The following R3HDM1 variants were observed in gnomAD, a reference collection of about 807,000 sequenced individuals.
R3HDM1 encodes the protein R3H domain-containing protein 1.
A neutral mutation model predicts 141.1 loss-of-function variants in R3HDM1; 46 were observed. The ratio of observed to expected loss-of-function variants is 0.33; its 90% CI spans 0.26 to 0.42. The LOEUF (loss-of-function observed/expected upper bound fraction) is 0.42, where lower values mean the gene tolerates loss of function less well. Ranked by LOEUF, R3HDM1 falls within the 10% of genes least tolerant of loss-of-function variation. The pLI is 1.00. For missense variants in R3HDM1, 1,184 were observed against 1,368.3 expected, an observed-to-expected ratio of 0.87 and a Z score of 2.12; for synonymous variants, 435 against 472.9, an observed-to-expected ratio of 0.92 and a Z score of 1.04.
At chr2:135,579,648 C>T (rs958803779) in intron 1 of R3HDM1, among the ~76,000 whole-genome samples, 5 of 150,632 alleles carry the variant, frequency 3.3e-5, no homozygotes, top group African/African-American at 5.0e-5. Flanking sequence ...GTAGAAGTCA[C>T]TAGTAATCTG....
intron 7 of R3HDM1, among the ~76,000 whole-genome samples, chr2:135,626,324 C>A (rs1271025533): frequency 6.6e-6 from 1 of 152,034 alleles, no homozygotes; most frequent in Non-Finnish European, 1.5e-5. Flanking sequence ...GGTGTGAGAA[C>A]AGAGGGAAAA....
At chr2:135,720,035 G>A (rs540121500) in intron 24 of R3HDM1, among the ~76,000 whole-genome samples, 4 of 152,064 alleles carry the variant, frequency 2.6e-5, no homozygotes, top group East Asian at 3.9e-4. Flanking sequence ...TAGGAGAGAC[G>A]GGGTTTCACC....
intron 1 of R3HDM1, among the ~76,000 whole-genome samples, chr2:135,595,190 C>T (rs1012995536): frequency 6.6e-6 from 1 of 152,182 alleles, no homozygotes; most frequent in African/African-American, 2.4e-5. Context: ...CTGAAATCAT[C>T]GTTCTGCCAT....
chr2:135,690,713 T>G (rs1209444480), intron 21 of R3HDM1, among the ~76,000 whole-genome samples: 1 of 104,668 alleles, frequency 9.6e-6, no homozygotes, highest in Non-Finnish European at 1.6e-5. Context: ...ATAAAAGAGG[T>G]TTTTTTTGTT....
intron 18 of R3HDM1, among the ~76,000 whole-genome samples, chr2:135,655,492 T>G (rs1171449940): frequency 6.6e-5 from 10 of 151,378 alleles, no homozygotes; most frequent in Non-Finnish European, 8.8e-5. Flanking sequence ...TTTTTTTGTT[T>G]TTGTTGTTGT....
At chr2:135,567,516 A>AT (rs1464047168) in intron 1 of R3HDM1, among the ~76,000 whole-genome samples, 2 of 152,168 alleles carry the variant, frequency 1.3e-5, no homozygotes, top group Admixed American at 6.5e-5. Flanking sequence ...AAAGCTGAGT[A>AT]TTTCACCTGT....
rs1302352338 is a variant in R3HDM1 at position 135,722,417 on chromosome 2, TG to T, written c.2965-51del. ...GTGTTAATTTGTTAAACATCCAAAG[TG>T]TGTTTTTCAGCATTATTAACGTTGT... On this transcript the variant is annotated intron_variant, in intron 25 of 26. Transcript: ENST00000683871. 3 of 1,573,298 alleles carry T rather than the reference TG, an allele frequency of 1.9e-6. No individual in the cohort carries two copies. The Admixed American group carries it at 5.3e-5, about 28-fold the overall frequency.
intron 19 of R3HDM1, among the ~76,000 whole-genome samples, chr2:135,662,395 T>C (rs1451087524): frequency 1.3e-5 from 2 of 152,214 alleles, no homozygotes; most frequent in African/African-American, 4.8e-5. Context: ...TGTTGCAGTC[T>C]TCAGTGATCA....
At chr2:135,598,965 T>G (rs1034230199) in intron 1 of R3HDM1, among the ~76,000 whole-genome samples, 2 of 152,210 alleles carry the variant, frequency 1.3e-5, no homozygotes, top group Non-Finnish European at 2.9e-5. Flanking sequence ...TTTTAAAACT[T>G]TGTTCTAAGT....
intron 7 of R3HDM1, among the ~76,000 whole-genome samples, chr2:135,629,557 A>C (rs1339116957): frequency 1.3e-5 from 2 of 152,350 alleles, no homozygotes; most frequent in East Asian, 3.9e-4. Context: ...TATGACAATA[A>C]TTGTGATAAA....
At chr2:135,651,415 C>T in intron 17 of R3HDM1, 1 of 979,236 alleles carries the variant, frequency 1.0e-6, no homozygotes, top group Non-Finnish European at 1.2e-6. Context: ...TTCACTTCTA[C>T]ATTCTAATGT....
At chr2:135,582,805 CT>C (rs140394178) in intron 1 of R3HDM1, among the ~76,000 whole-genome samples, 3,004 of 152,208 alleles carry the variant, frequency 0.02, 78 homozygotes, top group African/African-American at 0.066. Flanking sequence ...CCTTCTGCCC[CT>C]GTAACATTGT....
intron 11 of R3HDM1, among the ~76,000 whole-genome samples, chr2:135,637,742 G>A (rs1479910515): frequency 1.3e-5 from 2 of 152,212 alleles, no homozygotes; most frequent in Non-Finnish European, 2.9e-5. Context: ...ACTTGGTCCT[G>A]AAGGTTTAAG....
In R3HDM1 at chr2:135,693,948, G is replaced by A. The variant is rs151270974; in HGVS notation, c.2459+13624G>A. On this transcript the variant is annotated intron_variant, in intron 21 of 26. Coordinates refer to ENST00000683871, the MANE Select transcript of R3HDM1 (RefSeq NM_001378107.1). The stretch of plus-strand genomic sequence containing the variant: ...TGAACCCGGAGGCAGAGGTTGCAGT[G>A]AGCCAAGATCACGCCATTGCACTCC... 3.3e-5 allele frequency among the ~76,000 whole-genome samples: 5 copies of A among 152,150 alleles called. No homozygotes were observed. In the East Asian group the frequency reaches 9.7e-4, roughly 29 times the overall value.
rs754843086 is a variant in R3HDM1 at position 135,641,705 on chromosome 2, C to T, written c.1389C>T (p.Val463=). The T allele has an allele frequency of 9.3e-6, 15 of 1,613,982 alleles. No homozygotes were observed. Among genetic ancestry groups the T allele is most frequent in the Admixed American group, 3.3e-5 (2 of 59,994 alleles). ...LSFDGGLNGQ[V]ASPSTSFFLL... The stretch of plus-strand genomic sequence containing the variant: ...TTGATGGTGGCCTAAATGGGCAAGT[C>T]GCATCTCCTAGCACTAGCTTCTTTT... Residue 463 remains valine (V), a synonymous_variant, in exon 15 of 27, where the codon GTC becomes GTT. Coordinates refer to ENST00000683871, the MANE Select transcript of R3HDM1 (RefSeq NM_001378107.1).
chr2:135,553,824 G>C (rs962630388), intron 1 of R3HDM1, among the ~76,000 whole-genome samples: 1 of 152,190 alleles, frequency 6.6e-6, no homozygotes, highest in African/African-American at 2.4e-5. Flanking sequence ...CCAAGTAGCT[G>C]GGATTACAGG....
chr2:135,685,990 GA>G (rs915430454), intron 21 of R3HDM1, among the ~76,000 whole-genome samples: 41 of 149,078 alleles, frequency 2.8e-4, no homozygotes, highest in East Asian at 3.9e-4. Flanking sequence ...CTGTAATTCA[GA>G]AAAAAAAAGG....
chr2:135,629,113 T>C (rs2062365850), intron 7 of R3HDM1, among the ~76,000 whole-genome samples: 2 of 151,928 alleles, frequency 1.3e-5, no homozygotes, highest in Non-Finnish European at 2.9e-5. Context: ...GGTCGGGAGT[T>C]CGAGACCAGC....
chr2:135,666,721 A>T (rs542586857), intron 19 of R3HDM1, among the ~76,000 whole-genome samples: 1 of 152,266 alleles, frequency 6.6e-6, no homozygotes, highest in South Asian at 2.1e-4. Flanking sequence ...GGGATGAGAG[A>T]TGAGAAGGGA....
Sources: allele counts gnomAD v4.1 joint callset (sites outside exome capture counted in the v4.1 genomes callset), GRCh38; gene constraint gnomAD v4.1.1; transcripts MANE v1.5; gene names NCBI Gene and HGNC (gene_info 2026-07-23, HGNC 2026-07-21).